Variants in PSTK observed in about 807,000 individuals in gnomAD.
The protein encoded by PSTK is phosphoseryl-tRNA kinase.
PSTK carries 26 observed loss-of-function variants against 38.6 expected under a neutral mutation model. That is an observed-to-expected ratio of 0.67 (90% CI 0.49 to 0.94). PSTK has a LOEUF of 0.94. Among genes scored for constraint, PSTK ranks in the 40% least tolerant of loss-of-function variants. The probability of loss-of-function intolerance (pLI) is 0.00; values close to 1 mark genes in which losing one functional copy is unlikely to be tolerated. For synonymous variants in PSTK, 181 were observed against 161.7 expected (o/e 1.12, Z -0.91); for missense variants, 445 against 436.3 (o/e 1.02, Z -0.18).
chr10:122,981,616 C>T (rs1448852782), intron 1 of PSTK, among the ~76,000 whole-genome samples: 2 of 152,200 alleles, frequency 1.3e-5, no homozygotes, highest in Non-Finnish European at 2.9e-5. Context: ...ACTCTACTTT[C>T]TAAGTATATA....
chr10:122,986,294 C>T lies in PSTK; in HGVS notation c.708-6C>T, dbSNP rs748175935. The T allele has an allele frequency of 1.3e-6, 2 of 1,563,818 alleles. No individual in the cohort carries two copies. The highest frequency in any genetic ancestry group is 3.7e-5 in the Admixed American group (2 of 53,976). On this transcript the variant is annotated splice_region_variant and splice_polypyrimidine_tract_variant and intron_variant, in intron 3 of 5. Transcript: ENST00000406217. The stretch of plus-strand genomic sequence containing the variant: ...TCTATTGTATTTTATCCCATTTTCT[C>T]TGTAGCCTGGAAGTGACTGATTTAT...
In PSTK at chr10:122,986,353, C is replaced by T; in HGVS notation, c.761C>T (p.Ala254Val). The T allele has an allele frequency of 1.2e-6, 2 of 1,609,736 alleles. No homozygotes were observed. Among genetic ancestry groups the T allele is most frequent in the Non-Finnish European group, 1.7e-6 (2 of 1,176,514 alleles). The change falls in exon 4 of 6, where the codon GCT (alanine) becomes GTT (valine). Residue 254 changes from alanine to valine, a missense_variant. Transcript: ENST00000406217. Reference protein sequence around the residue: ...LTALENPVKYAEDNMEQKDTD... With the variant: ...LTALENPVKYVEDNMEQKDTD... Reference sequence around the variant, plus strand: ...GCTTTGGAAAATCCAGTAAAATATGCTGAGGACAATATGGAACAAAAGGTA... The same window carrying T: ...GCTTTGGAAAATCCAGTAAAATATGTTGAGGACAATATGGAACAAAAGGTA...
intron 4 of PSTK, 36 bp downstream of exon 4, chr10:122,986,411 G>C: frequency 7.1e-7 from 1 of 1,401,438 alleles, no homozygotes; most frequent in Non-Finnish European, 1.0e-6. Flanking sequence ...TAAATGAGAA[G>C]GAACAACTTT....
chr10:122,989,331 A>C (rs1453425514), intron 5 of PSTK, among the ~76,000 whole-genome samples: 3 of 152,096 alleles, frequency 2.0e-5, no homozygotes, highest in Non-Finnish European at 4.4e-5. Flanking sequence ...GGCTCACTGC[A>C]ACCTCCACCT....
chr10:122,981,842 G>A (rs1209083089), intron 1 of PSTK: 1 of 152,126 alleles, frequency 6.6e-6, no homozygotes, highest in African/African-American at 2.4e-5. Context: ...TTTTTTCCAC[G>A]CTTTTCCTAT....
chr10:122,981,519 A>G (rs1252704537), intron 1 of PSTK, among the ~76,000 whole-genome samples: 2 of 152,220 alleles, frequency 1.3e-5, no homozygotes, highest in Non-Finnish European at 1.5e-5. Flanking sequence ...TACTCTTTGA[A>G]ATATTCTGAA....
chr10:122,982,061 C>G (rs368813623), intron 1 of PSTK: 1 of 152,224 alleles, frequency 6.6e-6, no homozygotes, highest in Non-Finnish European at 1.5e-5. Context: ...CAGCCCTTGA[C>G]CAGCACAAGA....
rs777508563 is a variant in PSTK at position 122,982,804 on chromosome 10, T to C, written c.288T>C (p.Asn96=). ...YLEYFLMAVI[N]GCQMSVPPNR... ...AATACTTCTTGATGGCTGTCATTAA[T>C]GGGTGTCAGATGTCTGTCCCACCCA... The change falls in exon 2 of 6, where the codon AAT becomes AAC. Residue 96 remains asparagine (N), a synonymous_variant. Transcript: ENST00000406217. 6.2e-7 allele frequency: 1 copy of C among 1,614,202 alleles called. No individual in the cohort carries two copies. Among genetic ancestry groups the C allele is most frequent in the Non-Finnish European group, 8.5e-7 (1 of 1,179,996 alleles).
chr10:122,980,898 C>A lies in PSTK; in HGVS notation c.216+203C>A. 1.2e-6 allele frequency: 1 copy of A among 813,960 alleles called. No individual in the cohort carries two copies. The highest frequency in any genetic ancestry group is 1.5e-6 in the Non-Finnish European group (1 of 673,692). The allele number at this position is 813,960 out of a possible 1,614,324, so 50.4% of individuals were successfully genotyped here. On this transcript the variant is annotated intron_variant, in intron 1 of 5. Coordinates refer to ENST00000406217, the MANE Select transcript of PSTK (RefSeq NM_001363531.2). The surrounding 1 kb of genome is among the most constrained non-coding windows in gnomAD (Gnocchi z 4.3). ...ATGCGTTGGCTGTAGAAAGTGGTTA[C>A]AAAGCCAACTGTTAGAACGATGCAT... is the stretch of plus-strand genomic sequence containing the variant.
At position 122,980,926 on chromosome 10, in the gene PSTK, T is replaced by A; in HGVS notation, c.216+231T>A. On this transcript the variant is annotated intron_variant, in intron 1 of 5. Transcript: ENST00000406217. This position sits in a 1 kb window ranked among gnomAD's most constrained non-coding sequence, Gnocchi z 4.3. ...AGCCAACTGTTAGAACGATGCATTT[T>A]AGATGCTTATCTGTATATTTGATGC... 1 of 490,502 alleles carries A rather than the reference T, an allele frequency of 2.0e-6. No individual in the cohort carries two copies. The highest frequency in any genetic ancestry group is 2.6e-6 in the Non-Finnish European group (1 of 378,072). 30.4% of individuals were successfully genotyped at this position (490,502 alleles called of 1,614,324 possible).
Position 122,980,401 on chromosome 10 carries a change from G to C in PSTK, c.-79G>C, listed in dbSNP as rs945978994. On this transcript the variant is annotated 5_prime_UTR_variant, in exon 1 of 6. Coordinates refer to ENST00000406217, the MANE Select transcript of PSTK (RefSeq NM_001363531.2). The surrounding 1 kb of genome is among the most constrained non-coding windows in gnomAD (Gnocchi z 4.3). ...TTCCTCCACTGCGCCGGTAGGCGGC[G>C]GAGACGCTGCGCGTGCGCGCAGGGC... is the stretch of plus-strand genomic sequence containing the variant. The C allele has an allele frequency of 7.2e-7, 1 of 1,396,540 alleles. No individual in the cohort carries two copies. The highest frequency in any genetic ancestry group is 2.8e-5 in the Admixed American group (1 of 35,508). 86.5% of individuals were successfully genotyped at this position (1,396,540 alleles called of 1,614,324 possible).
Position 122,980,406 on chromosome 10 carries a change from C to A in PSTK, c.-74C>A. The stretch of plus-strand genomic sequence containing the variant: ...CCACTGCGCCGGTAGGCGGCGGAGA[C>A]GCTGCGCGTGCGCGCAGGGCAGACG... On this transcript the variant is annotated 5_prime_UTR_variant, in exon 1 of 6. Transcript: ENST00000406217. This position sits in a 1 kb window ranked among gnomAD's most constrained non-coding sequence, Gnocchi z 4.3. The A allele has an allele frequency of 7.1e-7, 1 of 1,410,458 alleles. No homozygotes were observed. 87.4% of individuals were successfully genotyped at this position (1,410,458 alleles called of 1,614,324 possible).
At chr10:122,985,394 A>T (rs997560764) in intron 3 of PSTK, 2 of 152,110 alleles carry the variant, frequency 1.3e-5, no homozygotes, top group Admixed American at 6.5e-5. Context: ...ATCTGAAATT[A>T]TTTTTTGCTT....
At position 122,982,745 on chromosome 10, in the gene PSTK, A is replaced by G. The variant is rs760194880; in HGVS notation, c.229A>G (p.Lys77Glu). The G allele has an allele frequency of 6.2e-7, 1 of 1,614,098 alleles. No individual in the cohort carries two copies. Among genetic ancestry groups the G allele is most frequent in the Non-Finnish European group, 8.5e-7 (1 of 1,179,960 alleles). Residue 77 changes from lysine to glutamate, a missense_variant, in exon 2 of 6, where the codon AAA (lysine) becomes GAA (glutamate). Coordinates refer to ENST00000406217, the MANE Select transcript of PSTK (RefSeq NM_001363531.2). ...TGGTCTCTTGTAGCCATCCCAATGG[A>G]AATTGCTTCGACAGGAACTGTTGAA... is the stretch of plus-strand genomic sequence containing the variant. ...ARARPAPSQW[K>E]LLRQELLKYL...
At chr10:122,981,658 T>C (rs1322788349) in intron 1 of PSTK, among the ~76,000 whole-genome samples, 1 of 152,252 alleles carries the variant, frequency 6.6e-6, no homozygotes. Flanking sequence ...GTGCATGGGC[T>C]CTCCAGCAAG....
chr10:122,981,813 C>T (rs1159202051), intron 1 of PSTK, among the ~76,000 whole-genome samples: 2 of 152,176 alleles, frequency 1.3e-5, no homozygotes, highest in Non-Finnish European at 2.9e-5. Context: ...CTGGCTTTCC[C>T]TTCACTTGTA....
In PSTK at chr10:122,986,301, C is replaced by G. The variant is rs771903479; in HGVS notation, c.709C>G (p.Leu237Val). 6.3e-7 allele frequency: 1 copy of G among 1,599,528 alleles called. No homozygotes were observed. The highest frequency in any genetic ancestry group is 1.1e-5 in the South Asian group (1 of 89,896). The change falls in exon 4 of 6, where the codon CTG (leucine) becomes GTG (valine). Residue 237 changes from leucine to valine, a missense_variant and splice_region_variant. Coordinates refer to ENST00000406217, the MANE Select transcript of PSTK (RefSeq NM_001363531.2). ...TATTTTATCCCATTTTCTCTGTAGC[C>G]TGGAAGTGACTGATTTATTGCTCAC... ...PSPACASEAS[L>V]EVTDLLLTAL...
chr10:122,986,979 A>G lies in PSTK; in HGVS notation c.877+17A>G. ...AAGCAAAAGGTATGATGTGTCAGTT[A>G]TGTGTTGAGTTGGTATGATTGTGAC... On this transcript the variant is annotated intron_variant, in intron 5 of 5. Coordinates refer to ENST00000406217, the MANE Select transcript of PSTK (RefSeq NM_001363531.2). 2 of 1,512,958 alleles carry G rather than the reference A, an allele frequency of 1.3e-6. No homozygotes were observed. Among genetic ancestry groups the G allele is most frequent in the Non-Finnish European group, 1.8e-6 (2 of 1,088,054 alleles). 93.7% of individuals were successfully genotyped at this position (1,512,958 alleles called of 1,614,324 possible). A position where few individuals can be genotyped will look rare whatever the true frequency, so the allele number is the denominator to read the frequency against.
intron 5 of PSTK, chr10:122,987,381 A>C: frequency 6.2e-7 from 1 of 1,614,188 alleles, no homozygotes; most frequent in Non-Finnish European, 8.5e-7. Context: ...AAGATGGGTA[A>C]GAGCGAACCA....
Sources: gnomAD v4.1 joint callset for allele counts (sites outside exome capture counted in the v4.1 genomes callset) on GRCh38, gnomAD v4.1.1 for gene constraint, Gnocchi (gnomAD v3.1) non-coding constraint, MANE v1.5 for transcripts, NCBI Gene and HGNC (gene_info 2026-07-23, HGNC 2026-07-21) for gene names.